The following PTPRN2 variants were observed in gnomAD, a reference collection of about 807,000 sequenced individuals.
The protein encoded by PTPRN2 is protein tyrosine phosphatase receptor type N2, also known as receptor-type tyrosine-protein phosphatase N2.
In PTPRN2, 74 loss-of-function variants were observed where a neutral mutation model predicts 118.8. The ratio of observed to expected loss-of-function variants is 0.62; its 90% CI spans 0.52 to 0.76. The LOEUF (loss-of-function observed/expected upper bound fraction) is 0.76, where lower values mean the gene tolerates loss of function less well. Ranked by LOEUF, PTPRN2 falls within the 30% of genes least tolerant of loss-of-function variation. PTPRN2 has a pLI of 0.00. For missense variants in PTPRN2, 1,481 were observed against 1,394.4 expected, an observed-to-expected ratio of 1.06 and a Z score of -0.99; for synonymous variants, 641 against 608.0, an observed-to-expected ratio of 1.05 and a Z score of -0.80.
intron 2 of PTPRN2, among the ~76,000 whole-genome samples, chr7:158,399,663 G>A (rs1275469835): frequency 6.6e-6 from 1 of 151,790 alleles, no homozygotes; most frequent in African/African-American, 2.4e-5. Flanking sequence ...CTCAAGAAAA[G>A]AAAGAAAAGA....
At chr7:157,778,225 G>T (rs1455290458) in intron 12 of PTPRN2, among the ~76,000 whole-genome samples, 1 of 152,100 alleles carries the variant, frequency 6.6e-6, no homozygotes, top group Non-Finnish European at 1.5e-5. Flanking sequence ...TCAGGCTGAC[G>T]ACTAAACATG....
rs1802693379 is a variant in PTPRN2, at chr7:157,615,370, G to A, written c.2344+5992C>T. ...CTCTCCGGGGAGCCGCTGACCTTGG[G>A]CTCCCTAACCTCCTTCAGCCCCAGC... is the stretch of plus-strand genomic sequence containing the variant. On this transcript the variant is annotated intron_variant, in intron 15 of 22. Transcript: ENST00000389418. The surrounding 1 kb of genome is among the most constrained non-coding windows in gnomAD (Gnocchi z 4.3). The A allele has an allele frequency of 2.2e-6, 1 of 455,258 alleles. No homozygotes were observed. Among genetic ancestry groups the A allele is most frequent in the Admixed American group, 2.4e-5 (1 of 41,808 alleles). 28.2% of individuals were successfully genotyped at this position (455,258 alleles called of 1,614,324 possible). A position where few individuals can be genotyped will look rare whatever the true frequency, so the allele number is the denominator to read the frequency against.
At position 157,632,014 on chromosome 7, in the gene PTPRN2, A is replaced by G. The variant is rs919137411; in HGVS notation, c.2197-10505T>C. ...ACTTTCCGAAGAGCAAAGGGAAAGG[A>G]AGGTTAACTCTTTGCAAAGTGGTGT... On this transcript the variant is annotated intron_variant, in intron 14 of 22. Transcript: ENST00000389418. The surrounding 1 kb of genome is among the most constrained non-coding windows in gnomAD (Gnocchi z 4.3). Among the ~76,000 whole-genome samples, 4 of 152,228 alleles carry G rather than the reference A, an allele frequency of 2.6e-5. No individual in the cohort carries two copies. Among genetic ancestry groups the G allele is most frequent in the Non-Finnish European group, 5.9e-5 (4 of 68,036 alleles).
At chr7:158,121,856 C>A (rs1357219968) in intron 9 of PTPRN2, among the ~76,000 whole-genome samples, 1 of 152,202 alleles carries the variant, frequency 6.6e-6, no homozygotes, top group Non-Finnish European at 1.5e-5. Flanking sequence ...GCAGGGGCAT[C>A]ACGGCTCCTC....
At chr7:158,372,958 G>A (rs891209449) in intron 2 of PTPRN2, among the ~76,000 whole-genome samples, 1 of 151,874 alleles carries the variant, frequency 6.6e-6, no homozygotes, top group African/African-American at 2.4e-5. Context: ...TGCAATCTGG[G>A]GCCACCTGGC....
rs762895928 is a variant in PTPRN2, at chr7:158,093,678, C to T, written c.1644-12301G>A. ...GGGAACATAAAACTCCGGAATTCCA[C>T]GTGGATAGCATAATGCATACCTACT... On this transcript the variant is annotated intron_variant, in intron 10 of 22. Coordinates refer to ENST00000389418, the MANE Select transcript of PTPRN2 (RefSeq NM_002847.5). This position sits in a 1 kb window ranked among gnomAD's most constrained non-coding sequence, Gnocchi z 4.4. 6.6e-6 allele frequency among the ~76,000 whole-genome samples: 1 copy of T among 152,202 alleles called. No individual in the cohort carries two copies. Among genetic ancestry groups the T allele is most frequent in the Non-Finnish European group, 1.5e-5 (1 of 68,042 alleles).
At chr7:157,983,654 C>G (rs1262385612) in intron 11 of PTPRN2, among the ~76,000 whole-genome samples, 1 of 152,174 alleles carries the variant, frequency 6.6e-6, no homozygotes. Flanking sequence ...CTGCATGCCC[C>G]GGAGGAGTAG....
intron 10 of PTPRN2, among the ~76,000 whole-genome samples, chr7:158,108,939 A>G (rs76382073): frequency 0.01 from 1,589 of 152,210 alleles, 35 homozygotes; most frequent in East Asian, 0.099. Context: ...AGTGAATGAC[A>G]TCAACCCTGT....
intron 15 of PTPRN2, among the ~76,000 whole-genome samples, chr7:157,606,998 C>T (rs2024099): frequency 0.25 from 38,384 of 152,070 alleles, 6,202 homozygotes; most frequent in African/African-American, 0.45. Context: ...TGTGTACATA[C>T]GCACATGCTC....
chr7:158,569,517 C>T (rs1482884402), intron 1 of PTPRN2, among the ~76,000 whole-genome samples: 1 of 152,086 alleles, frequency 6.6e-6, no homozygotes, highest in African/African-American at 2.4e-5. Context: ...AGGGGTCCGG[C>T]TCTCAGGGTC....
intron 11 of PTPRN2, among the ~76,000 whole-genome samples, chr7:158,055,491 G>C (rs2128901101): frequency 6.6e-6 from 1 of 152,342 alleles, no homozygotes; most frequent in South Asian, 2.1e-4. Flanking sequence ...CCCACCCGCA[G>C]TTATCCGGAG....
intron 11 of PTPRN2, among the ~76,000 whole-genome samples, chr7:157,906,080 C>T (rs1797755172): frequency 6.6e-6 from 1 of 152,248 alleles, no homozygotes; most frequent in African/African-American, 2.4e-5. Flanking sequence ...GCCCTGAGGT[C>T]AGCCTTCCTG....
At chr7:158,560,896 C>T (rs763224109) in intron 1 of PTPRN2, among the ~76,000 whole-genome samples, 5 of 152,232 alleles carry the variant, frequency 3.3e-5, no homozygotes, top group African/African-American at 9.6e-5. Context: ...AGCCTTGCAT[C>T]GAAGAGAAAT....
chr7:158,586,636 G>A (rs1586990022), intron 1 of PTPRN2, among the ~76,000 whole-genome samples: 2 of 152,194 alleles, frequency 1.3e-5, no homozygotes, highest in African/African-American at 2.4e-5. Flanking sequence ...TAAAACAGGG[G>A]CGTCCGCCTG....
intron 21 of PTPRN2, among the ~76,000 whole-genome samples, chr7:157,567,718 G>T (rs1799559975): frequency 6.6e-6 from 1 of 152,192 alleles, no homozygotes; most frequent in Admixed American, 6.5e-5. Flanking sequence ...ATACGTGTGT[G>T]TGTGTTGAGA....
chr7:157,913,900 A>G (rs1798232330), intron 11 of PTPRN2, among the ~76,000 whole-genome samples: 1 of 152,194 alleles, frequency 6.6e-6, no homozygotes, highest in South Asian at 2.1e-4. Flanking sequence ...GTTTGGATGT[A>G]TGGAATAACT....
At position 157,808,942 on chromosome 7, in the gene PTPRN2, A is replaced by G. The variant is rs185891624; in HGVS notation, c.1788+89731T>C. Among the ~76,000 whole-genome samples, 93 of 152,166 alleles carry G rather than the reference A, an allele frequency of 6.1e-4. No homozygotes were observed. In the East Asian group the frequency reaches 0.015, roughly 25 times the overall value. On this transcript the variant is annotated intron_variant, in intron 12 of 22. Coordinates refer to ENST00000389418, the MANE Select transcript of PTPRN2 (RefSeq NM_002847.5). This position sits in a 1 kb window ranked among gnomAD's most constrained non-coding sequence, Gnocchi z 5.0. The stretch of plus-strand genomic sequence containing the variant: ...GAAGTGTGGTGTGTCACTTGCTTTT[A>G]TGTGGAATGTGGGCAGTTCTTAAAA...
At chr7:157,917,660 A>AT (rs1301248974) in intron 11 of PTPRN2, among the ~76,000 whole-genome samples, 7 of 152,028 alleles carry the variant, frequency 4.6e-5, no homozygotes, top group Non-Finnish European at 8.8e-5. Context: ...TGTTCAAATG[A>AT]TTTTTTTTCA....
chr7:158,385,192 A>G (rs1342458191), intron 2 of PTPRN2, among the ~76,000 whole-genome samples: 1 of 152,206 alleles, frequency 6.6e-6, no homozygotes, highest in African/African-American at 2.4e-5. Context: ...TTGTAAACCA[A>G]TCATACCACA....
Sources: gnomAD v4.1 joint callset for allele counts (sites outside exome capture counted in the v4.1 genomes callset) on GRCh38, gnomAD v4.1.1 for gene constraint, Gnocchi (gnomAD v3.1) non-coding constraint, MANE v1.5 for transcripts, NCBI Gene and HGNC (gene_info 2026-07-23, HGNC 2026-07-21) for gene names.